Variants in KATNAL2 observed in about 807,000 individuals in gnomAD.
The protein encoded by KATNAL2 is katanin catalytic subunit A1 like 2, also known as katanin p60 ATPase-containing subunit A-like 2.
Under a neutral mutation model 76.3 loss-of-function variants are expected in KATNAL2, and 52 were observed. The observed-to-expected ratio is 0.68, with a 90% CI of 0.55 to 0.86. The LOEUF (loss-of-function observed/expected upper bound fraction) is 0.86, where lower values mean the gene tolerates loss of function less well. KATNAL2 is among the 40% of genes least tolerant of loss of function. The pLI, the probability that KATNAL2 is intolerant of heterozygous loss-of-function variation, is 0.00. For missense variants in KATNAL2, 660 were observed against 668.9 expected (o/e 0.99, Z 0.15); for synonymous variants, 243 against 244.2 (o/e 1.00, Z 0.05).
rs776647378 is a variant in KATNAL2 at position 47,101,899 on chromosome 18, A to G, written c.*894A>G. 1 of 152,198 alleles carries G rather than the reference A, an allele frequency of 6.6e-6. No homozygotes were observed. Among genetic ancestry groups the G allele is most frequent in the African/African-American group, 2.4e-5 (1 of 41,456 alleles). 9.4% of individuals were successfully genotyped at this position (152,198 alleles called of 1,614,324 possible). On this transcript the variant is annotated 3_prime_UTR_variant, in exon 18 of 18. Transcript: ENST00000683218. ...CAGAAACCCACAATCCGAGGCATCT[A>G]CTTTCAACCCTTGATAAATTTTGAA...
chr18:47,071,029 T>A (rs1217435990), intron 13 of KATNAL2, among the ~76,000 whole-genome samples: 1 of 152,150 alleles, frequency 6.6e-6, no homozygotes, highest in Non-Finnish European at 1.5e-5. Flanking sequence ...TGCACGGGTC[T>A]ACTTATATGG....
At chr18:46,934,922 T>G (rs2059043211) in intron 1 of KATNAL2, among the ~76,000 whole-genome samples, 1 of 152,340 alleles carries the variant, frequency 6.6e-6, no homozygotes. Context: ...TCCCCATTGC[T>G]TGTTTTTGTC....
intron 8 of KATNAL2, among the ~76,000 whole-genome samples, chr18:47,061,717 T>C (rs930233839): frequency 3.3e-5 from 5 of 152,124 alleles, no homozygotes; most frequent in African/African-American, 1.2e-4. Context: ...GTTGGTTAAG[T>C]TGTTTTATAA....
intron 1 of KATNAL2, among the ~76,000 whole-genome samples, chr18:46,927,508 G>T (rs1228589377): frequency 9.2e-5 from 14 of 151,962 alleles, no homozygotes; most frequent in Admixed American, 7.9e-4. Context: ...CTCTCTGTCT[G>T]CCCTTAACAT....
At chr18:47,091,128 A>T (rs970292187) in intron 15 of KATNAL2, 6 of 152,202 alleles carry the variant, frequency 3.9e-5, no homozygotes, top group Non-Finnish European at 7.3e-5. Context: ...TGTCCCAGGA[A>T]CCCTGGTTTA....
intron 1 of KATNAL2, among the ~76,000 whole-genome samples, chr18:46,941,500 G>A (rs1204188277): frequency 6.6e-6 from 1 of 152,116 alleles, no homozygotes. Flanking sequence ...AGGTGGGGAG[G>A]GGTGGGGAGG....
intron 15 of KATNAL2, among the ~76,000 whole-genome samples, chr18:47,088,777 T>C (rs1424818696): frequency 6.6e-6 from 1 of 152,238 alleles, no homozygotes; most frequent in Non-Finnish European, 1.5e-5. Flanking sequence ...AAGTTGTCTC[T>C]ATCTGTGGGA....
At chr18:47,046,250 C>T (rs191611862) in intron 3 of KATNAL2, 40 of 565,878 alleles carry the variant, frequency 7.1e-5, no homozygotes, top group Admixed American at 5.2e-4. Context: ...AATCATTGTC[C>T]CTTAAGTTTA....
At chr18:47,037,982 A>G (rs779064428) in intron 3 of KATNAL2, among the ~76,000 whole-genome samples, 9 of 152,010 alleles carry the variant, frequency 5.9e-5, no homozygotes, top group Non-Finnish European at 1.3e-4. Context: ...ACAGTGCCCG[A>G]CCATGAAAAG....
chr18:47,060,802 A>C (rs1267564662), intron 8 of KATNAL2, among the ~76,000 whole-genome samples: 1 of 152,214 alleles, frequency 6.6e-6, no homozygotes, highest in Non-Finnish European at 1.5e-5. Context: ...CTTACATGGT[A>C]ATTGCTGAAG....
intron 1 of KATNAL2, among the ~76,000 whole-genome samples, chr18:46,932,916 C>G (rs1184811412): frequency 6.6e-6 from 1 of 151,828 alleles, no homozygotes; most frequent in East Asian, 2.0e-4. Context: ...AGGCGCGCTA[C>G]CATGCCCCAC....
chr18:47,038,210 C>T (rs930075068), intron 3 of KATNAL2, among the ~76,000 whole-genome samples: 1 of 152,136 alleles, frequency 6.6e-6, no homozygotes, highest in African/African-American at 2.4e-5. Context: ...ATCAACATTG[C>T]TCAGATTTGT....
In KATNAL2 at chr18:46,952,393, G is replaced by GTTTTTT. The variant is rs35596537; in HGVS notation, c.51+5489_51+5494dup. ...GCCATTGCACTCAGCCTGCAGGTAT[G>GTTTTTT]TTTTTTTTTTTTTTTTTTTTTTTTG... On this transcript the variant is annotated intron_variant, in intron 3 of 17. Coordinates refer to ENST00000683218, the MANE Select transcript of KATNAL2 (RefSeq NM_001387690.1). 2.7e-3 allele frequency among the ~76,000 whole-genome samples: 171 copies of GTTTTTT among 64,420 alleles called. 4 individuals are homozygous for GTTTTTT. Among genetic ancestry groups the GTTTTTT allele is most frequent in the Non-Finnish European group, 2.9e-3 (109 of 37,404 alleles). 42.3% of individuals were successfully genotyped at this position (64,420 alleles called of 152,430 possible).
At chr18:47,033,164 T>G (rs756897655) in intron 3 of KATNAL2, 1 of 1,613,926 alleles carries the variant, frequency 6.2e-7, no homozygotes, top group Admixed American at 1.7e-5. Flanking sequence ...CAGCGAAGGA[T>G]GCTGCTGCTG....
intron 10 of KATNAL2, among the ~76,000 whole-genome samples, chr18:47,063,837 G>A (rs2061708441): frequency 6.6e-6 from 1 of 152,188 alleles, no homozygotes; most frequent in Admixed American, 6.5e-5. Context: ...TTGCACTGTG[G>A]AACCAGAAGG....
At chr18:47,043,226 C>CAAAAAAAAAAAAAA (rs1195140135) in intron 3 of KATNAL2, among the ~76,000 whole-genome samples, 2 of 41,682 alleles carry the variant, frequency 4.8e-5, no homozygotes, top group South Asian at 8.3e-4. Context: ...GACTCCGTTT[C>CAAAAAAAAAAAAAA]AAAAAAAAAA....
In KATNAL2 at chr18:47,098,897, G is replaced by T. The variant is rs1241313165; in HGVS notation, c.1212-346G>T. ...ATCAGAATACTCATGATTGCTGGTT[G>T]TTAGTTGGTTTTTGTACCCCAAATT... On this transcript the variant is annotated intron_variant, in intron 15 of 17. Transcript: ENST00000683218. The T allele has an allele frequency of 1.5e-5, 3 of 198,828 alleles. No individual in the cohort carries two copies. In the East Asian group the frequency reaches 3.9e-4, roughly 26 times the overall value. 12.3% of individuals were successfully genotyped at this position (198,828 alleles called of 1,614,324 possible).
chr18:47,102,079 T>C lies in KATNAL2; in HGVS notation c.*1074T>C, dbSNP rs895291045. The C allele has an allele frequency of 2.0e-5, 3 of 152,222 alleles. No homozygotes were observed. The highest frequency in any genetic ancestry group is 7.2e-5 in the African/African-American group (3 of 41,462). The allele number at this position is 152,222 out of a possible 1,614,324, so 9.4% of individuals were successfully genotyped here. ...GAAAGAGACACTTTGGATAGCTAAG[T>C]ATCCCAAAGGATTTTACCCTTTTAA... On this transcript the variant is annotated 3_prime_UTR_variant, in exon 18 of 18. Transcript: ENST00000683218.
chr18:47,084,309 T>C, intron 15 of KATNAL2: 1 of 702,774 alleles, frequency 1.4e-6, no homozygotes, highest in Non-Finnish European at 2.6e-6. Flanking sequence ...GATAAGCAGA[T>C]GTAACCCTTG....
Sources: allele counts gnomAD v4.1 joint callset (sites outside exome capture counted in the v4.1 genomes callset), GRCh38; gene constraint gnomAD v4.1.1; transcripts MANE v1.5; gene names NCBI Gene and HGNC (gene_info 2026-07-23, HGNC 2026-07-21).